Variants in SIM1 observed in about 807,000 individuals in gnomAD.
SIM1 encodes the protein SIM bHLH transcription factor 1, also known as single-minded homolog 1.
A neutral mutation model predicts 78.2 loss-of-function variants in SIM1; 18 were observed. The ratio of observed to expected loss-of-function variants is 0.23; its 90% CI spans 0.16 to 0.34. The LOEUF is 0.34. SIM1 is among the 10% of genes least tolerant of loss of function. SIM1 has a pLI of 1.00. For missense variants in SIM1, 939 were observed against 975.1 expected, an observed-to-expected ratio of 0.96 and a Z score of 0.49; for synonymous variants, 417 against 385.2, an observed-to-expected ratio of 1.08 and a Z score of -0.97.
intron 9 of SIM1, among the ~76,000 whole-genome samples, chr6:100,446,047 A>T (rs931248236): frequency 2.6e-5 from 4 of 152,220 alleles, no homozygotes; most frequent in Non-Finnish European, 5.9e-5. Flanking sequence ...AAGATAAAAA[A>T]ATTAAAAGAT....
chr6:100,426,539 T>C (rs1462447979), intron 9 of SIM1, among the ~76,000 whole-genome samples: 1 of 152,164 alleles, frequency 6.6e-6, no homozygotes, highest in Non-Finnish European at 1.5e-5. Flanking sequence ...CAAAAAGGCA[T>C]TGTCAGTTCT....
intron 10 of SIM1, among the ~76,000 whole-genome samples, chr6:100,410,660 G>A (rs1205292200): frequency 6.6e-6 from 1 of 152,158 alleles, no homozygotes; most frequent in African/African-American, 2.4e-5. Flanking sequence ...GTAGAGTGAG[G>A]CAGGCAATGG....
chr6:100,449,457 G>A lies in SIM1; in HGVS notation c.458-9C>T, dbSNP rs1562255489. ...GCGCTCGATCTCATACTCTGGGAGAGAGGAACGAAGGGAAGCTCAGGTCGT... is the reference window on the plus strand; with the variant it reads ...GCGCTCGATCTCATACTCTGGGAGAAAGGAACGAAGGGAAGCTCAGGTCGT... On this transcript the variant is annotated splice_polypyrimidine_tract_variant and intron_variant, in intron 5 of 11. Coordinates refer to ENST00000369208, the MANE Select transcript of SIM1 (RefSeq NM_005068.3). 2 of 1,612,332 alleles carry A rather than the reference G, an allele frequency of 1.2e-6. No individual in the cohort carries two copies. The highest frequency in any genetic ancestry group is 1.3e-5 in the African/African-American group (1 of 75,032).
At chr6:100,394,929 GA>G (rs1770733262) in intron 10 of SIM1, among the ~76,000 whole-genome samples, 1 of 152,136 alleles carries the variant, frequency 6.6e-6, no homozygotes, top group Admixed American at 6.6e-5. Context: ...CTCTTGTTTA[GA>G]AGATAAAACT....
intron 10 of SIM1, among the ~76,000 whole-genome samples, chr6:100,419,907 C>T (rs1186711213): frequency 6.6e-6 from 1 of 152,146 alleles, no homozygotes; most frequent in East Asian, 1.9e-4. Context: ...TCCCAAAGTG[C>T]TGGGATTACA....
chr6:100,444,063 CT>C (rs1295779514), intron 9 of SIM1, among the ~76,000 whole-genome samples: 2 of 151,994 alleles, frequency 1.3e-5, no homozygotes, highest in Non-Finnish European at 2.9e-5. Flanking sequence ...AGAACCAAGA[CT>C]CTTAATTTTC....
chr6:100,413,432 T>C (rs1476219245), intron 10 of SIM1, among the ~76,000 whole-genome samples: 1 of 152,254 alleles, frequency 6.6e-6, no homozygotes, highest in Non-Finnish European at 1.5e-5. Flanking sequence ...TCGTTGTTGG[T>C]AGGTCTAATT....
At chr6:100,397,788 C>T (rs1770804897) in intron 10 of SIM1, among the ~76,000 whole-genome samples, 1 of 152,028 alleles carries the variant, frequency 6.6e-6, no homozygotes, top group Non-Finnish European at 1.5e-5. Context: ...CAACAAAAGA[C>T]TAGCCTCTAG....
In SIM1 at chr6:100,385,364, A is replaced by G. The variant is rs1459374089; in HGVS notation, c.*4997T>C. 6.6e-6 allele frequency: 1 copy of G among 152,072 alleles called. No homozygotes were observed. The highest frequency in any genetic ancestry group is 1.5e-5 in the Non-Finnish European group (1 of 67,976). The allele number at this position is 152,072 out of a possible 1,614,324, so 9.4% of individuals were successfully genotyped here. A position where few individuals can be genotyped will look rare whatever the true frequency, so the allele number is the denominator to read the frequency against. Reference sequence around the variant, plus strand: ...ATCTTTTTTGAAGTGTCTACTCATAATGTTTCCTTTTTTGAAATATTTCCC... The same window carrying G: ...ATCTTTTTTGAAGTGTCTACTCATAGTGTTTCCTTTTTTGAAATATTTCCC... On this transcript the variant is annotated 3_prime_UTR_variant, in exon 12 of 12. Coordinates refer to ENST00000369208, the MANE Select transcript of SIM1 (RefSeq NM_005068.3).
chr6:100,461,353 G>C (rs1562066039), intron 2 of SIM1, among the ~76,000 whole-genome samples: 1 of 152,250 alleles, frequency 6.6e-6, no homozygotes, highest in East Asian at 1.9e-4. Flanking sequence ...TCCCAGCTGC[G>C]CCTGCCCCCG....
intron 9 of SIM1, among the ~76,000 whole-genome samples, chr6:100,438,925 ATAAGAATGGTAT>A (rs1772133085): frequency 6.6e-6 from 1 of 152,188 alleles, no homozygotes; most frequent in South Asian, 2.1e-4. Flanking sequence ...ACCCAAAGGC[ATAAGAATGGTAT>A]AATGGACTTT....
At chr6:100,416,477 T>C (rs1023541984) in intron 10 of SIM1, among the ~76,000 whole-genome samples, 10 of 152,200 alleles carry the variant, frequency 6.6e-5, no homozygotes, top group Admixed American at 4.6e-4. Context: ...GACATTACCC[T>C]ATGAGTCCAA....
rs371626025 is a variant in SIM1 at position 100,413,356 on chromosome 6, C to T, written c.1167+7434G>A. Among the ~76,000 whole-genome samples the T allele has an allele frequency of 9.8e-5, 15 of 152,302 alleles. No individual in the cohort carries two copies. The East Asian group carries it at 1.7e-3, about 18-fold the overall frequency. On this transcript the variant is annotated intron_variant, in intron 10 of 11. Coordinates refer to ENST00000369208, the MANE Select transcript of SIM1 (RefSeq NM_005068.3). ...GGTGGCCAAGGCAATCTGGTTACCA[C>T]GGGCAACATCTCCTATCCTCATGAA...
chr6:100,395,247 G>A (rs1017594357), intron 10 of SIM1, among the ~76,000 whole-genome samples: 1 of 152,112 alleles, frequency 6.6e-6, no homozygotes, highest in African/African-American at 2.4e-5. Context: ...TATGTGTCTG[G>A]CAATATTCCA....
At chr6:100,421,920 C>T (rs2114505736) in intron 9 of SIM1, among the ~76,000 whole-genome samples, 1 of 152,124 alleles carries the variant, frequency 6.6e-6, no homozygotes, top group East Asian at 1.9e-4. Flanking sequence ...GCTGGGCTGC[C>T]CCTCGGTAAT....
At position 100,420,851 on chromosome 6, in the gene SIM1, T is replaced by C. The variant is rs1309099984; in HGVS notation, c.1106A>G (p.Lys369Arg). The C allele has an allele frequency of 1.2e-6, 2 of 1,613,928 alleles. No homozygotes were observed. The highest frequency in any genetic ancestry group is 1.7e-6 in the Non-Finnish European group (2 of 1,180,020). The change falls in exon 10 of 12, where the codon AAG becomes AGG. Residue 369 changes from lysine (K) to arginine (R), a missense_variant. Around this residue, in one of 5 missense-constraint regions of SIM1, gnomAD observed 556 missense variants for 521.9 expected, o/e 1.07. Coordinates refer to ENST00000369208, the MANE Select transcript of SIM1 (RefSeq NM_005068.3). Reference protein sequence around the residue: ...SSTPTMTDNRKGAKSRLSSSK... With the variant: ...SSTPTMTDNRRGAKSRLSSSK... The stretch of plus-strand genomic sequence containing the variant: ...GCTGGAGAGCCGGGATTTGGCCCCC[T>C]TTCTGTTGTCAGTCATGGTGGGGGT...
At chr6:100,406,650 A>C (rs1226754914) in intron 10 of SIM1, among the ~76,000 whole-genome samples, 2 of 152,192 alleles carry the variant, frequency 1.3e-5, no homozygotes, top group Non-Finnish European at 2.9e-5. Flanking sequence ...AATATAAACT[A>C]TATTAAACAA....
At chr6:100,449,308 G>A in intron 6 of SIM1, 55 bp downstream of exon 6, 7 of 1,453,410 alleles carry the variant, frequency 4.8e-6, no homozygotes, top group South Asian at 2.3e-5. Context: ...CGCCGCACGC[G>A]CCTTGCTTCC....
intron 10 of SIM1, among the ~76,000 whole-genome samples, chr6:100,412,759 A>AAAGAAGAAAG (rs139161593): frequency 1.6e-5 from 2 of 123,176 alleles, no homozygotes; most frequent in Non-Finnish European, 3.7e-5. Context: ...AAGAAAAAAG[A>AAAGAAGAAAG]AAAGAAAAAG....
Sources: gnomAD v4.1 joint callset for allele counts (sites outside exome capture counted in the v4.1 genomes callset) on GRCh38, gnomAD v4.1.1 for gene constraint, gnomAD v4.1.1 regional missense constraint, MANE v1.5 for transcripts, NCBI Gene and HGNC (gene_info 2026-07-23, HGNC 2026-07-21) for gene names.